Variants in ZFHX4 observed in about 807,000 individuals in gnomAD.
ZFHX4 encodes zinc finger homeobox 4, also known as zinc finger homeobox protein 4.
ZFHX4 carries 56 observed loss-of-function variants against 267.6 expected under a neutral mutation model. The observed-to-expected ratio is 0.21, with a 90% confidence interval of 0.17 to 0.26. The LOEUF is 0.26. ZFHX4 is among the 10% of genes least tolerant of loss of function. The pLI, the probability that ZFHX4 is intolerant of heterozygous loss-of-function variation, is 1.00. For synonymous variants in ZFHX4, 1,778 were observed against 1,665.6 expected (o/e 1.07, Z -1.64); for missense variants, 4,332 against 4,420.0 (o/e 0.98, Z 0.56).
rs551271105 is a variant in ZFHX4 at position 76,810,018 on chromosome 8, AT to A, written c.3326-23313del. ...ATATAGTAACTTTTCATCCTTCCCC[AT>A]TTTTTTGAAGGTTAAAAAATATCAA... is the stretch of plus-strand genomic sequence containing the variant. On this transcript the variant is annotated intron_variant, in intron 4 of 10. Coordinates refer to ENST00000651372, the MANE Select transcript of ZFHX4 (RefSeq NM_024721.5). Among the ~76,000 whole-genome samples the A allele has an allele frequency of 2.9e-3, 437 of 152,216 alleles. 1 individual carries two copies. The highest frequency in any genetic ancestry group is 9.4e-3 in the African/African-American group (391 of 41,548).
intron 3 of ZFHX4, among the ~76,000 whole-genome samples, chr8:76,761,478 T>C (rs1477885412): frequency 6.6e-6 from 1 of 152,188 alleles, no homozygotes; most frequent in Non-Finnish European, 1.5e-5. Context: ...AACTTATATA[T>C]TATATTTTAC....
At chr8:76,805,035 C>G (rs1041103110) in intron 4 of ZFHX4, among the ~76,000 whole-genome samples, 7 of 152,062 alleles carry the variant, frequency 4.6e-5, no homozygotes, top group African/African-American at 1.2e-4. Flanking sequence ...AGGGGTTTAC[C>G]TCTTCAATAT....
At chr8:76,749,430 T>C (rs1050995663) in intron 3 of ZFHX4, among the ~76,000 whole-genome samples, 1 of 152,228 alleles carries the variant, frequency 6.6e-6, no homozygotes, top group African/African-American at 2.4e-5. Flanking sequence ...AAGAATAGTA[T>C]CTATCAATCC....
intron 4 of ZFHX4, among the ~76,000 whole-genome samples, chr8:76,811,580 C>T (rs1345285681): frequency 6.6e-6 from 1 of 151,974 alleles, no homozygotes; most frequent in Admixed American, 6.6e-5. Context: ...GTTTGGAGAC[C>T]CACCCAGACA....
chr8:76,821,815 T>C (rs572324723), intron 4 of ZFHX4, among the ~76,000 whole-genome samples: 2 of 152,348 alleles, frequency 1.3e-5, no homozygotes, highest in South Asian at 4.1e-4. Context: ...CATCTGGTTG[T>C]AGACTGCTAC....
intron 4 of ZFHX4, among the ~76,000 whole-genome samples, chr8:76,783,230 A>G (rs888560682): frequency 1.3e-5 from 2 of 152,014 alleles, no homozygotes; most frequent in African/African-American, 4.8e-5. Context: ...TGGAAAAGGG[A>G]GAAAGGCAGT....
rs377710388 is a variant in ZFHX4 at position 76,823,945 on chromosome 8, G to A, written c.3326-9393G>A. ...CATTAAATATTTAGGAAGTATAGTA[G>A]CAAGATTTTATTTATTTGTTTTGCA... On this transcript the variant is annotated intron_variant, in intron 4 of 10. Coordinates refer to ENST00000651372, the MANE Select transcript of ZFHX4 (RefSeq NM_024721.5). 7.9e-5 allele frequency among the ~76,000 whole-genome samples: 12 copies of A among 152,270 alleles called. No homozygotes were observed. The East Asian group carries it at 2.3e-3, about 29-fold the overall frequency.
Position 76,704,953 on chromosome 8 carries a change from T to A in ZFHX4, c.865T>A (p.Tyr289Asn), listed in dbSNP as rs764765016. The A allele has an allele frequency of 6.2e-7, 1 of 1,614,050 alleles. No individual in the cohort carries two copies. Among genetic ancestry groups the A allele is most frequent in the Non-Finnish European group, 8.5e-7 (1 of 1,179,894 alleles). ...MCFLCKLSFGYIRSFVTHAVH... is the reference protein window; with the variant it reads ...MCFLCKLSFGNIRSFVTHAVH... ...TTTCTTGTGCAAGTTGTCTTTTGGT[T>A]ATATCAGGTCATTTGTAACCCATGC... is the stretch of plus-strand genomic sequence containing the variant. Residue 289 changes from tyrosine to asparagine, a missense_variant, in exon 2 of 11, where the codon TAT becomes AAT. Transcript: ENST00000651372.
intron 1 of ZFHX4, among the ~76,000 whole-genome samples, chr8:76,695,821 TTAAC>T (rs2131590773): frequency 6.6e-6 from 1 of 152,346 alleles, no homozygotes; most frequent in South Asian, 2.1e-4. Flanking sequence ...CCCCAGCTCT[TTAAC>T]TGTTTTAAAT....
At chr8:76,732,596 A>C (rs1388020843) in intron 3 of ZFHX4, among the ~76,000 whole-genome samples, 2 of 152,302 alleles carry the variant, frequency 1.3e-5, no homozygotes, top group East Asian at 1.9e-4. Context: ...AAAACTAAGA[A>C]AATAAAGCAC....
rs1020557768 is a variant in ZFHX4, at chr8:76,865,348, G to T, written c.*783G>T. Reference sequence around the variant, plus strand: ...ACGTCATTCTTTTTTTCTGAAAGAGGTAATAATTCTAGTTTTGATAGACTC... The same window carrying T: ...ACGTCATTCTTTTTTTCTGAAAGAGTTAATAATTCTAGTTTTGATAGACTC... On this transcript the variant is annotated 3_prime_UTR_variant, in exon 11 of 11. Transcript: ENST00000651372. The T allele has an allele frequency of 1.3e-5, 2 of 152,528 alleles. No individual in the cohort carries two copies. Among genetic ancestry groups the T allele is most frequent in the Non-Finnish European group, 2.9e-5 (2 of 68,010 alleles). 9.4% of individuals were successfully genotyped at this position (152,528 alleles called of 1,614,324 possible).
At chr8:76,720,105 G>T (rs1423973709) in intron 3 of ZFHX4, among the ~76,000 whole-genome samples, 1 of 152,052 alleles carries the variant, frequency 6.6e-6, no homozygotes, top group Admixed American at 6.6e-5. Context: ...TACCACAATT[G>T]ATTTTAGAAT....
chr8:76,757,340 T>C (rs1040802917), intron 3 of ZFHX4, among the ~76,000 whole-genome samples: 16 of 151,932 alleles, frequency 1.1e-4, no homozygotes, highest in Admixed American at 9.2e-4. Flanking sequence ...AGTGAGAACA[T>C]GGAGGTAAAA....
chr8:76,849,563 C>G lies in ZFHX4; in HGVS notation c.3697C>G (p.Gln1233Glu), dbSNP rs1563556819. The G allele has an allele frequency of 6.2e-7, 1 of 1,613,960 alleles. No homozygotes were observed. Among genetic ancestry groups the G allele is most frequent in the African/African-American group, 1.3e-5 (1 of 75,036 alleles). ...NYNSRDQSRI[Q>E]MHVLSQHSVQ... ...CAATAGTAGGGACCAAAGTCGTATC[C>G]AGATGCACGTCCTATCACAGCACTC... The change falls in exon 8 of 11, where the codon CAG (glutamine) becomes GAG (glutamate). Residue 1233 changes from glutamine to glutamate, a missense_variant. Gln to Glu is a conservative substitution (Grantham distance 29). Coordinates refer to ENST00000651372, the MANE Select transcript of ZFHX4 (RefSeq NM_024721.5).
chr8:76,775,125 G>C (rs1436801795), intron 3 of ZFHX4, among the ~76,000 whole-genome samples: 1 of 152,166 alleles, frequency 6.6e-6, no homozygotes, highest in Non-Finnish European at 1.5e-5. Context: ...AGATAATGAT[G>C]AGAAAAATGT....
intron 5 of ZFHX4, among the ~76,000 whole-genome samples, chr8:76,840,946 A>T (rs1432476354): frequency 6.6e-6 from 1 of 152,152 alleles, no homozygotes; most frequent in East Asian, 1.9e-4. Context: ...ATTATCACTG[A>T]CGGGTGAAAG....
chr8:76,815,434 G>C (rs957592035), intron 4 of ZFHX4, among the ~76,000 whole-genome samples: 1 of 152,090 alleles, frequency 6.6e-6, no homozygotes, highest in African/African-American at 2.4e-5. Context: ...TCCCATAAAT[G>C]GTACCTTATT....
At position 76,855,263 on chromosome 8, in the gene ZFHX4, T is replaced by A; in HGVS notation, c.8342T>A (p.Val2781Glu). The change falls in exon 10 of 11, where the codon GTA becomes GAA. Residue 2781 changes from valine (V) to glutamate (E), a missense_variant. Coordinates refer to ENST00000651372, the MANE Select transcript of ZFHX4 (RefSeq NM_024721.5). ...TTTAAAGCAGAGTGTTCTGAGGATG[T>A]AGAGAATTTAAATGCCCCTCCTGCT... is the stretch of plus-strand genomic sequence containing the variant. ...SSFKAECSED[V>E]ENLNAPPAEA... 1 of 1,612,368 alleles carries A rather than the reference T, an allele frequency of 6.2e-7. No homozygotes were observed. Among genetic ancestry groups the A allele is most frequent in the Non-Finnish European group, 8.5e-7 (1 of 1,179,416 alleles).
rs748968459 is a variant in ZFHX4 at position 76,704,627 on chromosome 8, C to T, written c.539C>T (p.Ser180Phe). ...TCTGCTGGAGAGAAGAGTGATCAGTCTGCTTCTGCACCTATGTCGTTCTAC... is the reference window on the plus strand; with the variant it reads ...TCTGCTGGAGAGAAGAGTGATCAGTTTGCTTCTGCACCTATGTCGTTCTAC... ...LASAGEKSDQ[S>F]ASAPMSFYPQ... The change falls in exon 2 of 11, where the codon TCT becomes TTT. Residue 180 changes from serine to phenylalanine, a missense_variant. Coordinates refer to ENST00000651372, the MANE Select transcript of ZFHX4 (RefSeq NM_024721.5). 1.9e-6 allele frequency: 3 copies of T among 1,614,022 alleles called. No homozygotes were observed. The highest frequency in any genetic ancestry group is 2.5e-6 in the Non-Finnish European group (3 of 1,179,904).
Sources: allele counts gnomAD v4.1 joint callset (sites outside exome capture counted in the v4.1 genomes callset), GRCh38; gene constraint gnomAD v4.1.1; transcripts MANE v1.5; gene names NCBI Gene and HGNC (gene_info 2026-07-23, HGNC 2026-07-21).